CNNM4: variants seen among roughly 807,000 people sequenced by gnomAD.
CNNM4 encodes cyclin and CBS domain divalent metal cation transport mediator 4, also known as metal transporter CNNM4.
CNNM4 carries 32 observed loss-of-function variants against 53.7 expected under a neutral mutation model. The observed-to-expected ratio is 0.60, with a 90% CI of 0.45 to 0.80. The LOEUF (loss-of-function observed/expected upper bound fraction) is 0.80, where lower values mean the gene tolerates loss of function less well. Ranked by LOEUF, CNNM4 falls within the 30% of genes least tolerant of loss-of-function variation. The pLI, the probability that CNNM4 is intolerant of heterozygous loss-of-function variation, is 0.00. For missense variants in CNNM4, 784 were observed against 1,022.0 expected, an observed-to-expected ratio of 0.77 and a Z score of 3.17; for synonymous variants, 410 against 440.0, an observed-to-expected ratio of 0.93 and a Z score of 0.85.
In CNNM4 at chr2:96,809,616, T is replaced by G; in HGVS notation, c.*99T>G. On this transcript the variant is annotated 3_prime_UTR_variant, in exon 7 of 7. Transcript: ENST00000377075. ...TTAGTCCAGAAAGGATACGGATAGATAGCCTGTCTGACTGAACAGCCAGAT... is the reference window on the plus strand; with the variant it reads ...TTAGTCCAGAAAGGATACGGATAGAGAGCCTGTCTGACTGAACAGCCAGAT... 9.2e-7 allele frequency: 1 copy of G among 1,085,912 alleles called. No individual in the cohort carries two copies. Among genetic ancestry groups the G allele is most frequent in the Non-Finnish European group, 1.4e-6 (1 of 732,358 alleles). 67.3% of individuals were successfully genotyped at this position (1,085,912 alleles called of 1,614,324 possible). A position where few individuals can be genotyped will look rare whatever the true frequency, so the allele number is the denominator to read the frequency against.
Position 96,781,099 on chromosome 2 carries a change from C to G in CNNM4, c.1403-15913C>G, listed in dbSNP as rs561918778. ...GTTCACGCCATTCTCCTGCCTCAGCCTCCCGAGTAGCTGGGACTACAGGCA... is the reference window on the plus strand; with the variant it reads ...GTTCACGCCATTCTCCTGCCTCAGCGTCCCGAGTAGCTGGGACTACAGGCA... On this transcript the variant is annotated intron_variant, in intron 1 of 6. Coordinates refer to ENST00000377075, the MANE Select transcript of CNNM4 (RefSeq NM_020184.4). Among the ~76,000 whole-genome samples the G allele has an allele frequency of 3.3e-5, 5 of 150,460 alleles. No homozygotes were observed. In the South Asian group the frequency reaches 8.4e-4, roughly 25 times the overall value.
Position 96,801,161 on chromosome 2 carries a change from C to A in CNNM4, c.1948+1513C>A. On this transcript the variant is annotated intron_variant, in intron 5 of 6. Coordinates refer to ENST00000377075, the MANE Select transcript of CNNM4 (RefSeq NM_020184.4). This position sits in a 1 kb window ranked among gnomAD's most constrained non-coding sequence, Gnocchi z 5.6. ...TAACGTGGCACAGCTGAGGGTCACG[C>A]TGCCACCTGCTGCCTGTGCCTGCAC... 1 of 973,874 alleles carries A rather than the reference C, an allele frequency of 1.0e-6. No homozygotes were observed. The highest frequency in any genetic ancestry group is 1.2e-6 in the Non-Finnish European group (1 of 819,402). The allele number at this position is 973,874 out of a possible 1,614,324, so 60.3% of individuals were successfully genotyped here.
chr2:96,766,854 G>A (rs1351351259), intron 1 of CNNM4, among the ~76,000 whole-genome samples: 2 of 152,172 alleles, frequency 1.3e-5, no homozygotes, highest in African/African-American at 4.8e-5. Context: ...GAATTCTGAG[G>A]AGCTGATGAG....
chr2:96,794,502 G>A (rs1029846452), intron 1 of CNNM4, among the ~76,000 whole-genome samples: 2 of 152,112 alleles, frequency 1.3e-5, no homozygotes, highest in East Asian at 1.9e-4. Context: ...CACTAATAGC[G>A]TATCTTGGAT....
At chr2:96,781,253 A>G (rs2078973342) in intron 1 of CNNM4, among the ~76,000 whole-genome samples, 2 of 152,182 alleles carry the variant, frequency 1.3e-5, no homozygotes, top group South Asian at 4.1e-4. Flanking sequence ...TGCTGGGATT[A>G]CAGGCGTGAG....
rs2079241386 is a variant in CNNM4 at position 96,809,736 on chromosome 2, C to T, written c.*219C>T. ...GCCCTGGATAGGGGGGGCAGTGGGC[C>T]AGCTACCGTAAGCAAAGGCTGTTTT... is the stretch of plus-strand genomic sequence containing the variant. On this transcript the variant is annotated 3_prime_UTR_variant, in exon 7 of 7. Coordinates refer to ENST00000377075, the MANE Select transcript of CNNM4 (RefSeq NM_020184.4). 2.0e-6 allele frequency: 1 copy of T among 491,624 alleles called. No homozygotes were observed. Among genetic ancestry groups the T allele is most frequent in the African/African-American group, 1.9e-5 (1 of 52,184 alleles). The allele number at this position is 491,624 out of a possible 1,614,324, so 30.5% of individuals were successfully genotyped here.
chr2:96,776,682 G>A (rs1201848841), intron 1 of CNNM4, among the ~76,000 whole-genome samples: 2 of 151,992 alleles, frequency 1.3e-5, no homozygotes, highest in African/African-American at 4.8e-5. Context: ...GATGCATCTC[G>A]GCTCACTGCA....
chr2:96,792,551 C>T (rs995721619), intron 1 of CNNM4, among the ~76,000 whole-genome samples: 8 of 151,838 alleles, frequency 5.3e-5, no homozygotes, highest in African/African-American at 1.9e-4. Context: ...ACCTGTAATC[C>T]CAGCACTCTG....
intron 1 of CNNM4, among the ~76,000 whole-genome samples, chr2:96,768,825 C>T (rs1318938365): frequency 4.6e-5 from 7 of 152,220 alleles, no homozygotes; most frequent in Admixed American, 1.3e-4. Flanking sequence ...GCATTTCTGA[C>T]AGGTTCTCAG....
At chr2:96,795,497 C>T (rs868301637) in intron 1 of CNNM4, among the ~76,000 whole-genome samples, 2 of 152,058 alleles carry the variant, frequency 1.3e-5, no homozygotes, top group Non-Finnish European at 2.9e-5. Flanking sequence ...ACCCCCCCCC[C>T]CATCACATGG....
chr2:96,801,724 C>T lies in CNNM4; in HGVS notation c.1948+2076C>T, dbSNP rs1558995932. On this transcript the variant is annotated intron_variant, in intron 5 of 6. Transcript: ENST00000377075. The surrounding 1 kb of genome is among the most constrained non-coding windows in gnomAD (Gnocchi z 5.6). The stretch of plus-strand genomic sequence containing the variant: ...CACACGCAGAGAGACCACACACATG[C>T]AGAGACCACACACACCCAGAGACCA... Among the ~76,000 whole-genome samples the T allele has an allele frequency of 1.3e-5, 2 of 148,268 alleles. No homozygotes were observed. The highest frequency in any genetic ancestry group is 4.0e-4 in the East Asian group (2 of 4,942).
chr2:96,796,317 G>A (rs2079103733), intron 1 of CNNM4, among the ~76,000 whole-genome samples: 1 of 151,564 alleles, frequency 6.6e-6, no homozygotes, highest in Non-Finnish European at 1.5e-5. Flanking sequence ...GCTGATTTTT[G>A]TATTTTTAGT....
At chr2:96,786,527 C>A (rs1036955533) in intron 1 of CNNM4, among the ~76,000 whole-genome samples, 1 of 151,820 alleles carries the variant, frequency 6.6e-6, no homozygotes, top group African/African-American at 2.4e-5. Flanking sequence ...GCCTGTAATC[C>A]CAGCACTTTG....
intron 6 of CNNM4, 65 bp from the exon 7 acceptor site, chr2:96,809,255 C>T: frequency 6.2e-7 from 1 of 1,601,846 alleles, no homozygotes; most frequent in Non-Finnish European, 8.5e-7. Context: ...CCTGTTTCTC[C>T]AGGCCTGGTG....
chr2:96,805,634 GGATTGGTGATGACTCTTAAC>G (rs2079197700), intron 5 of CNNM4, among the ~76,000 whole-genome samples: 1 of 116,384 alleles, frequency 8.6e-6, no homozygotes, highest in East Asian at 2.3e-4. Flanking sequence ...TTGAGATTAG[GGATTGGTGATGACTCTTAAC>G]GAGCATGCTG....
intron 1 of CNNM4, among the ~76,000 whole-genome samples, chr2:96,771,971 C>T (rs1265745590): frequency 6.6e-6 from 1 of 152,226 alleles, no homozygotes; most frequent in East Asian, 1.9e-4. Flanking sequence ...GGAGCATTCC[C>T]CAGAGGTTAC....
At chr2:96,782,217 G>A (rs943558423) in intron 1 of CNNM4, among the ~76,000 whole-genome samples, 22 of 152,044 alleles carry the variant, frequency 1.4e-4, no homozygotes, top group African/African-American at 5.3e-4. Context: ...GAGACGAATG[G>A]ATTGCTTGAG....
chr2:96,761,980 T>C lies in CNNM4; in HGVS notation c.981T>C (p.Phe327=). ...CCATTAGCAAGCTCCTGGACTTTTT[T>C]CTGGGCCAGGAGATTCGCACTGTTT... ...SFPISKLLDF[F]LGQEIRTVYN... The change falls in exon 1 of 7, where the codon TTT becomes TTC. Residue 327 remains phenylalanine, a synonymous_variant. Transcript: ENST00000377075. The surrounding 1 kb of genome is among the most constrained non-coding windows in gnomAD (Gnocchi z 6.0). 5 of 1,614,174 alleles carry C rather than the reference T, an allele frequency of 3.1e-6. 1 individual carries two copies. Among genetic ancestry groups the C allele is most frequent in the Non-Finnish European group, 3.4e-6 (4 of 1,180,030 alleles).
Position 96,808,698 on chromosome 2 carries a change from T to A in CNNM4, c.2086T>A (p.Ser696Thr), listed in dbSNP as rs962856273. Residue 696 changes from serine to threonine, a missense_variant, in exon 6 of 7, where the codon TCT becomes ACT. Ser to Thr is a moderately conservative substitution (Grantham distance 58). Around this residue, in one of 3 missense-constraint regions of CNNM4, gnomAD observed 307 missense variants for 376.3 expected, o/e 0.82. Transcript: ENST00000377075. This position sits in a 1 kb window ranked among gnomAD's most constrained non-coding sequence, Gnocchi z 4.9. ...CAGCTCTGTCCTGGGCCAGTACATC[T>A]CTGACTTCAGCGTCCGGGCACTCGT... Reference protein sequence around the residue: ...FGSSVLGQYISDFSVRALVDL... With the variant: ...FGSSVLGQYITDFSVRALVDL... 10 of 1,614,148 alleles carry A rather than the reference T, an allele frequency of 6.2e-6. No individual in the cohort carries two copies. The highest frequency in any genetic ancestry group is 8.5e-6 in the Non-Finnish European group (10 of 1,180,028).
Sources: allele counts gnomAD v4.1 joint callset (sites outside exome capture counted in the v4.1 genomes callset), GRCh38; gene constraint gnomAD v4.1.1; regional missense constraint gnomAD v4.1.1; non-coding constraint Gnocchi (gnomAD v3.1); transcripts MANE v1.5; gene names NCBI Gene and HGNC (gene_info 2026-07-23, HGNC 2026-07-21).